SLC9A9: variants seen among roughly 807,000 people sequenced by gnomAD.
SLC9A9 encodes the protein sodium/hydrogen exchanger 9.
SLC9A9 carries 62 observed loss-of-function variants against 77.8 expected under a neutral mutation model. The ratio of observed to expected loss-of-function variants is 0.80; its 90% CI spans 0.65 to 0.98. SLC9A9 has a LOEUF of 0.98. Among genes scored for constraint, SLC9A9 ranks in the 50% least tolerant of loss-of-function variants. The pLI, the probability that SLC9A9 is intolerant of heterozygous loss-of-function variation, is 0.00. For missense variants in SLC9A9, 775 were observed against 774.9 expected, an observed-to-expected ratio of 1.00 and a Z score of 0.00; for synonymous variants, 320 against 283.5, an observed-to-expected ratio of 1.13 and a Z score of -1.29.
chr3:143,334,552 G>T (rs1200696857), intron 14 of SLC9A9, among the ~76,000 whole-genome samples: 1 of 152,172 alleles, frequency 6.6e-6, no homozygotes, highest in Non-Finnish European at 1.5e-5. Context: ...GAGCCTCAGT[G>T]TTCTCTTCTG....
In SLC9A9 at chr3:143,803,607, C is replaced by G. The variant is rs150018310; in HGVS notation, c.379-6704G>C. Among the ~76,000 whole-genome samples the G allele has an allele frequency of 3.3e-5, 5 of 152,232 alleles. No individual in the cohort carries two copies. In the East Asian group the frequency reaches 9.6e-4, roughly 29 times the overall value. On this transcript the variant is annotated intron_variant, in intron 2 of 15. Coordinates refer to ENST00000316549, the MANE Select transcript of SLC9A9 (RefSeq NM_173653.4). The stretch of plus-strand genomic sequence containing the variant: ...CAGGGCACCCTTCAATACTTTCACC[C>G]TGATGAAGTTCTATTCTTTACTTTT...
At chr3:143,652,492 C>T in intron 5 of SLC9A9, 132 bp from the exon 6 acceptor site, 1 of 727,286 alleles carries the variant, frequency 1.4e-6, no homozygotes, top group Non-Finnish European at 2.4e-6. Flanking sequence ...TAACACCAGA[C>T]CTTTATTCAA....
intron 8 of SLC9A9, among the ~76,000 whole-genome samples, chr3:143,569,815 T>TTTA: frequency 1.0e-5 from 1 of 96,350 alleles, no homozygotes; most frequent in Non-Finnish European, 2.3e-5. Context: ...TGTTTTTTTC[T>TTTA]TTTTTTTTTT....
intron 12 of SLC9A9, among the ~76,000 whole-genome samples, chr3:143,420,911 T>TA (rs58830204): frequency 0.094 from 14,238 of 152,252 alleles, 775 homozygotes; most frequent in South Asian, 0.17. Flanking sequence ...AAAAGGCTCC[T>TA]AGACCTGATA....
chr3:143,464,207 C>T (rs992912334), intron 12 of SLC9A9, among the ~76,000 whole-genome samples: 2 of 152,138 alleles, frequency 1.3e-5, no homozygotes, highest in African/African-American at 4.8e-5. Context: ...TTACTTACTT[C>T]GTGGTGTTTT....
chr3:143,696,372 G>T (rs573552602), intron 4 of SLC9A9, among the ~76,000 whole-genome samples: 1 of 152,258 alleles, frequency 6.6e-6, no homozygotes, highest in African/African-American at 2.4e-5. Context: ...CCATGCTAAA[G>T]GCACAAATTA....
intron 12 of SLC9A9, among the ~76,000 whole-genome samples, chr3:143,430,432 C>G (rs1249075364): frequency 6.6e-6 from 1 of 152,222 alleles, no homozygotes; most frequent in African/African-American, 2.4e-5. Flanking sequence ...TATGGAGAGG[C>G]AGATTCCATT....
chr3:143,445,967 G>GT (rs1484309592), intron 12 of SLC9A9, among the ~76,000 whole-genome samples: 8 of 152,140 alleles, frequency 5.3e-5, no homozygotes, highest in African/African-American at 1.9e-4. Context: ...CTCAGAGTAA[G>GT]TTTAAGAAAG....
intron 14 of SLC9A9, among the ~76,000 whole-genome samples, chr3:143,355,737 G>A (rs942154390): frequency 6.6e-6 from 1 of 152,208 alleles, no homozygotes; most frequent in Non-Finnish European, 1.5e-5. Flanking sequence ...CCAGGATGGT[G>A]CCTGGCATGT....
At chr3:143,375,023 TA>T (rs1283754533) in intron 13 of SLC9A9, among the ~76,000 whole-genome samples, 17 of 152,116 alleles carry the variant, frequency 1.1e-4, no homozygotes, top group African/African-American at 4.1e-4. Flanking sequence ...CAGTAACTGA[TA>T]AAATAAGTAG....
intron 5 of SLC9A9, among the ~76,000 whole-genome samples, chr3:143,691,628 T>C (rs1933470405): frequency 6.6e-6 from 1 of 152,134 alleles, no homozygotes; most frequent in African/African-American, 2.4e-5. Context: ...GACCACTGCT[T>C]CTTTACCAAT....
intron 12 of SLC9A9, among the ~76,000 whole-genome samples, chr3:143,439,720 C>T (rs2034691926): frequency 6.6e-6 from 1 of 151,882 alleles, no homozygotes; most frequent in Admixed American, 6.6e-5. Context: ...CTCCAGAGCA[C>T]CCAACGAATG....
At chr3:143,276,568 A>C (rs994949015) in intron 14 of SLC9A9, among the ~76,000 whole-genome samples, 1 of 151,946 alleles carries the variant, frequency 6.6e-6, no homozygotes, top group African/African-American at 2.4e-5. Context: ...AGTGTCTAGC[A>C]TATTACCAAG....
chr3:143,651,836 T>A (rs2038801669), intron 6 of SLC9A9, among the ~76,000 whole-genome samples: 1 of 152,220 alleles, frequency 6.6e-6, no homozygotes, highest in Non-Finnish European at 1.5e-5. Flanking sequence ...TAAAGAGTAT[T>A]CTGACCCTTA....
Position 143,449,777 on chromosome 3 carries a change from ATT to A in SLC9A9, c.1469+17258_1469+17259del, listed in dbSNP as rs2034947626. Among the ~76,000 whole-genome samples the A allele has an allele frequency of 4.6e-5, 4 of 86,408 alleles. 1 individual carries two copies. The highest frequency in any genetic ancestry group is 1.9e-4 in the African/African-American group (4 of 20,788). 56.7% of individuals were successfully genotyped at this position (86,408 alleles called of 152,430 possible). On this transcript the variant is annotated intron_variant, in intron 12 of 15. Transcript: ENST00000316549. ...TATACAAGTATATATAATTATATATATTTATATATAATTATATATATTTTATA... is the reference window on the plus strand; with the variant it reads ...TATACAAGTATATATAATTATATATATATATATAATTATATATATTTTATA...
chr3:143,352,631 C>T (rs2032489753), intron 14 of SLC9A9, among the ~76,000 whole-genome samples: 1 of 137,054 alleles, frequency 7.3e-6, no homozygotes, highest in African/African-American at 3.4e-5. Context: ...CTAACAATTA[C>T]ACCACTGGAT....
intron 14 of SLC9A9, among the ~76,000 whole-genome samples, chr3:143,272,809 A>C (rs529824067): frequency 1.7e-4 from 26 of 152,302 alleles, no homozygotes; most frequent in Admixed American, 4.6e-4. Flanking sequence ...CTAGAAATGC[A>C]TTGAGACAAA....
chr3:143,335,952 A>G (rs2031908373), intron 14 of SLC9A9, among the ~76,000 whole-genome samples: 1 of 152,206 alleles, frequency 6.6e-6, no homozygotes, highest in South Asian at 2.1e-4. Flanking sequence ...CTGCACATCA[A>G]ATGAAACAGA....
chr3:143,822,569 G>C (rs564684593), intron 2 of SLC9A9, among the ~76,000 whole-genome samples: 3 of 152,292 alleles, frequency 2.0e-5, no homozygotes, highest in African/African-American at 7.2e-5. Context: ...GCTGTCTGTG[G>C]AGCCTACCTC....
Sources: gnomAD v4.1 joint callset for allele counts (sites outside exome capture counted in the v4.1 genomes callset) on GRCh38, gnomAD v4.1.1 for gene constraint, MANE v1.5 for transcripts, NCBI Gene and HGNC (gene_info 2026-07-23, HGNC 2026-07-21) for gene names.